The following IQGAP2 variants were observed in gnomAD, a reference collection of about 807,000 sequenced individuals.
IQGAP2 encodes IQ motif containing GTPase activating protein 2, also known as ras GTPase-activating-like protein IQGAP2.
IQGAP2 carries 173 observed loss-of-function variants against 201.3 expected under a neutral mutation model. That is an observed-to-expected ratio of 0.86 (90% CI 0.76 to 0.98). IQGAP2 has a LOEUF of 0.98. IQGAP2 is among the 50% of genes least tolerant of loss of function. The pLI, the probability that IQGAP2 is intolerant of heterozygous loss-of-function variation, is 0.00. For synonymous variants in IQGAP2, 675 were observed against 673.9 expected (o/e 1.00, Z -0.03); for missense variants, 1,687 against 1,864.8 (o/e 0.90, Z 1.76).
In IQGAP2 at chr5:76,658,665, G is replaced by C; in HGVS notation, c.2527G>C (p.Glu843Gln). 6.2e-7 allele frequency: 1 copy of C among 1,613,520 alleles called. No homozygotes were observed. The highest frequency in any genetic ancestry group is 8.5e-7 in the Non-Finnish European group (1 of 1,179,754). Residue 843 changes from glutamate to glutamine, a missense_variant and splice_region_variant, in exon 21 of 36, where the codon GAG becomes CAG. By Grantham distance (29) the Glu-to-Gln change is conservative. Coordinates refer to ENST00000274364, the MANE Select transcript of IQGAP2 (RefSeq NM_006633.5). ...GLLVKNRITL[E>Q]DVISHSKKLN... Reference sequence around the variant, plus strand: ...GCTGGTGAAGAACAGGATCACACTAGAGGTCAGTGGGGTTTTTGGGACTGT... The same window carrying C: ...GCTGGTGAAGAACAGGATCACACTACAGGTCAGTGGGGTTTTTGGGACTGT...
At chr5:76,571,975 A>G (rs370319789) in intron 4 of IQGAP2, among the ~76,000 whole-genome samples, 42 of 152,324 alleles carry the variant, frequency 2.8e-4, no homozygotes, top group Admixed American at 9.1e-4. Context: ...CACCACCACA[A>G]TCAAGACACA....
chr5:76,501,832 G>T (rs1304544918), intron 2 of IQGAP2, among the ~76,000 whole-genome samples: 3 of 151,624 alleles, frequency 2.0e-5, no homozygotes, highest in Non-Finnish European at 4.4e-5. Context: ...CGTAGAGGCG[G>T]GGGTTTCACC....
intron 1 of IQGAP2, among the ~76,000 whole-genome samples, chr5:76,418,533 A>G (rs2150078051): frequency 6.6e-6 from 1 of 151,954 alleles, no homozygotes. Flanking sequence ...CTCTGTTTCT[A>G]CAAAAAATCT....
chr5:76,471,844 T>C (rs1755130600), intron 2 of IQGAP2, among the ~76,000 whole-genome samples: 1 of 152,236 alleles, frequency 6.6e-6, no homozygotes, highest in African/African-American at 2.4e-5. Flanking sequence ...ACTTGGAATT[T>C]CCAGGGAAAT....
chr5:76,478,291 C>T (rs11742542), intron 2 of IQGAP2, among the ~76,000 whole-genome samples: 27,174 of 152,092 alleles, frequency 0.18, 2,573 homozygotes, highest in Middle Eastern at 0.29. Flanking sequence ...ATCCCAGCTA[C>T]TTGGGAGGCT....
chr5:76,615,926 G>C (rs1360187240), intron 13 of IQGAP2: 2 of 152,600 alleles, frequency 1.3e-5, no homozygotes, highest in Non-Finnish European at 2.9e-5. Flanking sequence ...TATCATCACA[G>C]TATGTTGCTT....
At chr5:76,617,311 C>A (rs1749074993) in intron 13 of IQGAP2, 1 of 316,560 alleles carries the variant, frequency 3.2e-6, no homozygotes, top group African/African-American at 2.1e-5. Flanking sequence ...AGTAGCTGGG[C>A]ATGGTGGTGT....
chr5:76,700,672 A>G (rs1284751704), intron 33 of IQGAP2, among the ~76,000 whole-genome samples: 7 of 152,232 alleles, frequency 4.6e-5, no homozygotes, highest in Admixed American at 2.0e-4. Context: ...ACTTAGAACA[A>G]TGCTAGCCAC....
At chr5:76,642,275 G>T (rs1751646294) in intron 17 of IQGAP2, among the ~76,000 whole-genome samples, 1 of 152,114 alleles carries the variant, frequency 6.6e-6, no homozygotes, top group African/African-American at 2.4e-5. Context: ...CAGCAGTGTT[G>T]CAGTTGGAAG....
chr5:76,599,904 G>A (rs576742500), intron 10 of IQGAP2, among the ~76,000 whole-genome samples: 6 of 152,234 alleles, frequency 3.9e-5, no homozygotes, highest in African/African-American at 1.2e-4. Flanking sequence ...TGGTTAAATG[G>A]AAGAAGATAT....
intron 1 of IQGAP2, among the ~76,000 whole-genome samples, chr5:76,417,297 T>A (rs750424317): frequency 1.2e-4 from 18 of 152,092 alleles, no homozygotes; most frequent in Non-Finnish European, 1.6e-4. Context: ...ATAAATAAAT[T>A]AATTATTTTT....
chr5:76,483,619 G>A (rs1329803859), intron 2 of IQGAP2, among the ~76,000 whole-genome samples: 3 of 152,226 alleles, frequency 2.0e-5, no homozygotes, highest in Non-Finnish European at 2.9e-5. Context: ...CACATAAAAG[G>A]CTGCAGGTTT....
At chr5:76,448,064 G>A (rs1350402171) in intron 1 of IQGAP2, among the ~76,000 whole-genome samples, 1 of 152,170 alleles carries the variant, frequency 6.6e-6, no homozygotes, top group Non-Finnish European at 1.5e-5. Flanking sequence ...GACTCAGAAA[G>A]GCTGGTTTGC....
intron 11 of IQGAP2, among the ~76,000 whole-genome samples, 161 bp downstream of exon 11, chr5:76,601,133 A>G (rs1169541828): frequency 6.6e-6 from 1 of 152,232 alleles, no homozygotes; most frequent in Non-Finnish European, 1.5e-5. Flanking sequence ...ATCCTTGTTT[A>G]CAGTATTCCT....
Position 76,658,515 on chromosome 5 carries a change from C to A in IQGAP2, c.2377C>A (p.Gln793Lys). The A allele has an allele frequency of 6.2e-7, 1 of 1,613,992 alleles. No individual in the cohort carries two copies. Among genetic ancestry groups the A allele is most frequent in the Non-Finnish European group, 8.5e-7 (1 of 1,179,958 alleles). ...VIRKFVYLLD[Q>K]SDLDFQEELE... is the part of the protein sequence containing the mutation. The stretch of plus-strand genomic sequence containing the variant: ...TCGCAAATTTGTATACCTGCTGGAC[C>A]AAAGTGATTTGGATTTCCAGGAGGA... Residue 793 changes from glutamine to lysine, a missense_variant, in exon 21 of 36, where the codon CAA (glutamine) becomes AAA (lysine). By Grantham distance (53) the Gln-to-Lys change is moderately conservative. Coordinates refer to ENST00000274364, the MANE Select transcript of IQGAP2 (RefSeq NM_006633.5).
chr5:76,624,025 C>T (rs369893875), intron 13 of IQGAP2, among the ~76,000 whole-genome samples: 3 of 143,486 alleles, frequency 2.1e-5, no homozygotes, highest in South Asian at 2.3e-4. Flanking sequence ...TCCCAAACAA[C>T]GCTGTTCAGT....
chr5:76,613,513 T>A (rs13173701), intron 13 of IQGAP2, among the ~76,000 whole-genome samples: 65,428 of 151,988 alleles, frequency 0.43, 14,967 homozygotes, highest in Non-Finnish European at 0.52. Context: ...ATATACAATA[T>A]GTAAATATAT....
intron 2 of IQGAP2, among the ~76,000 whole-genome samples, chr5:76,506,910 A>G: frequency 6.6e-6 from 1 of 152,196 alleles, no homozygotes; most frequent in East Asian, 1.9e-4. Flanking sequence ...CACAGATAGG[A>G]ACCCTCCATG....
At chr5:76,598,848 A>G (rs1747221185) in intron 10 of IQGAP2, among the ~76,000 whole-genome samples, 1 of 152,232 alleles carries the variant, frequency 6.6e-6, no homozygotes, top group South Asian at 2.1e-4. Context: ...CATGTGAGAA[A>G]TATGTGCAAC....
Sources: gnomAD v4.1 joint callset for allele counts (sites outside exome capture counted in the v4.1 genomes callset) on GRCh38, gnomAD v4.1.1 for gene constraint, MANE v1.5 for transcripts, NCBI Gene and HGNC (gene_info 2026-07-23, HGNC 2026-07-21) for gene names.